The following CNTN5 variants were observed in gnomAD, a reference collection of about 807,000 sequenced individuals.
The protein encoded by CNTN5 is contactin 5.
CNTN5 carries 77 observed loss-of-function variants against 129.1 expected under a neutral mutation model. That is an observed-to-expected ratio of 0.60 (90% CI 0.50 to 0.72). The LOEUF is 0.72. CNTN5 is among the 30% of genes least tolerant of loss of function. The pLI is 0.00. For missense variants in CNTN5, 1,478 were observed against 1,328.8 expected (o/e 1.11, Z -1.75); for synonymous variants, 509 against 465.6 (o/e 1.09, Z -1.20).
chr11:99,436,860 A>T (rs1943619476), intron 2 of CNTN5, among the ~76,000 whole-genome samples: 1 of 152,170 alleles, frequency 6.6e-6, no homozygotes. Flanking sequence ...GAGATATTTG[A>T]GTACCTGAAA....
At chr11:99,026,760 A>C (rs1413443858) in intron 1 of CNTN5, among the ~76,000 whole-genome samples, 1 of 151,636 alleles carries the variant, frequency 6.6e-6, no homozygotes, top group African/African-American at 2.4e-5. Flanking sequence ...CAAGTAATGC[A>C]AAAGATGGAA....
At chr11:99,382,462 G>T (rs965681626) in intron 2 of CNTN5, among the ~76,000 whole-genome samples, 4 of 152,076 alleles carry the variant, frequency 2.6e-5, no homozygotes, top group African/African-American at 7.2e-5. Flanking sequence ...CCACTCTACC[G>T]CACAATTTGA....
At chr11:99,390,885 T>A (rs2136187433) in intron 2 of CNTN5, among the ~76,000 whole-genome samples, 1 of 152,286 alleles carries the variant, frequency 6.6e-6, no homozygotes, top group African/African-American at 2.4e-5. Flanking sequence ...AAAATTACTA[T>A]GAAATTGTTA....
At chr11:99,962,426 C>T (rs12279925) in intron 8 of CNTN5, among the ~76,000 whole-genome samples, 15 of 151,396 alleles carry the variant, frequency 9.9e-5, no homozygotes, top group South Asian at 6.3e-4. Context: ...TTTGTCCTTG[C>T]GATAGTTTGC....
chr11:100,101,640 TC>T (rs1945228453), intron 13 of CNTN5, among the ~76,000 whole-genome samples: 1 of 152,092 alleles, frequency 6.6e-6, no homozygotes, highest in Admixed American at 6.6e-5. Flanking sequence ...ATGGATAATT[TC>T]TTTAGTGGTG....
intron 2 of CNTN5, among the ~76,000 whole-genome samples, chr11:99,415,340 G>A (rs117664396): frequency 0.027 from 4,056 of 152,154 alleles, 79 homozygotes; most frequent in Admixed American, 0.041. Flanking sequence ...TGATCTAATA[G>A]TAGTCTAATA....
intron 2 of CNTN5, among the ~76,000 whole-genome samples, chr11:99,409,285 A>T (rs1472723908): frequency 6.6e-6 from 1 of 152,134 alleles, no homozygotes; most frequent in Non-Finnish European, 1.5e-5. Context: ...TAACACGGTG[A>T]AACCGCATCT....
chr11:99,411,628 C>A (rs538582014), intron 2 of CNTN5, among the ~76,000 whole-genome samples: 25 of 152,286 alleles, frequency 1.6e-4, no homozygotes, highest in Non-Finnish European at 3.4e-4. Flanking sequence ...CCAAGGAGAA[C>A]TTCCACCCAG....
chr11:99,093,999 AT>A (rs1866366235), intron 1 of CNTN5, among the ~76,000 whole-genome samples: 1 of 152,002 alleles, frequency 6.6e-6, no homozygotes, highest in Non-Finnish European at 1.5e-5. Context: ...AGATAATATA[AT>A]ATAGTAGAAA....
At chr11:99,172,451 G>C (rs922651760) in intron 1 of CNTN5, among the ~76,000 whole-genome samples, 1 of 152,034 alleles carries the variant, frequency 6.6e-6, no homozygotes, top group Non-Finnish European at 1.5e-5. Flanking sequence ...TGAGAAAATT[G>C]TGCCTAATAT....
intron 1 of CNTN5, among the ~76,000 whole-genome samples, chr11:99,065,997 A>AT (rs35923947): frequency 0.3 from 45,610 of 152,040 alleles, 7,072 homozygotes; most frequent in African/African-American, 0.33. Flanking sequence ...TGACTGTGGA[A>AT]TTTTTTATAA....
At chr11:99,630,169 AAAT>A (rs980531757) in intron 3 of CNTN5, among the ~76,000 whole-genome samples, 5 of 152,004 alleles carry the variant, frequency 3.3e-5, no homozygotes, top group African/African-American at 9.7e-5. Flanking sequence ...TACTGATTAA[AAAT>A]AATAATTGCA....
intron 3 of CNTN5, among the ~76,000 whole-genome samples, chr11:99,628,577 C>T (rs670426): frequency 0.61 from 92,696 of 151,106 alleles, 29,310 homozygotes; most frequent in Admixed American, 0.74. Flanking sequence ...TCTACACACA[C>T]TTCCATTGGC....
chr11:100,089,745 G>A (rs1944684719), intron 13 of CNTN5, among the ~76,000 whole-genome samples: 1 of 152,126 alleles, frequency 6.6e-6, no homozygotes, highest in Non-Finnish European at 1.5e-5. Context: ...GTCCTTTGCA[G>A]GGACGTTGAT....
chr11:100,315,009 T>A (rs1191498591), intron 21 of CNTN5, among the ~76,000 whole-genome samples: 1 of 152,214 alleles, frequency 6.6e-6, no homozygotes, highest in South Asian at 2.1e-4. Context: ...CCTTATGAAG[T>A]TTGCAGTCTA....
intron 2 of CNTN5, among the ~76,000 whole-genome samples, chr11:99,335,875 C>G (rs142049096): frequency 1.3e-5 from 2 of 152,016 alleles, no homozygotes; most frequent in Admixed American, 6.6e-5. Flanking sequence ...AGTACAGGAA[C>G]AGTCCTCTAT....
chr11:99,863,068 C>T (rs115629618), intron 6 of CNTN5, among the ~76,000 whole-genome samples: 1,831 of 152,158 alleles, frequency 0.012, 38 homozygotes, highest in African/African-American at 0.042. Context: ...TTAACATTAG[C>T]TCAAGCAAAA....
intron 1 of CNTN5, among the ~76,000 whole-genome samples, chr11:99,273,484 G>A (rs1329945999): frequency 6.6e-6 from 1 of 151,636 alleles, no homozygotes; most frequent in Admixed American, 6.6e-5. Flanking sequence ...CCTTCTTCCT[G>A]GTGTTTGTCT....
At position 99,722,389 on chromosome 11, in the gene CNTN5, C is replaced by T. The variant is rs994831515; in HGVS notation, c.56-97155C>T. Among the ~76,000 whole-genome samples the T allele has an allele frequency of 1.3e-5, 2 of 152,106 alleles. 1 individual carries two copies. The highest frequency in any genetic ancestry group is 3.9e-4 in the East Asian group (2 of 5,166). On this transcript the variant is annotated intron_variant, in intron 3 of 24. Coordinates refer to ENST00000524871, the MANE Select transcript of CNTN5 (RefSeq NM_014361.4). ...AGAAAATGAATGCAGGACAGAAAACCAAATACCACTTGTTCTCACTTGTGA... is the reference window on the plus strand; with the variant it reads ...AGAAAATGAATGCAGGACAGAAAACTAAATACCACTTGTTCTCACTTGTGA...
Sources: allele counts gnomAD v4.1 joint callset (sites outside exome capture counted in the v4.1 genomes callset), GRCh38; gene constraint gnomAD v4.1.1; transcripts MANE v1.5; gene names NCBI Gene and HGNC (gene_info 2026-07-23, HGNC 2026-07-21).